MAP4K4: variants seen among roughly 807,000 people sequenced by gnomAD.
The protein encoded by MAP4K4 is mitogen-activated protein kinase kinase kinase kinase 4.
MAP4K4 carries 38 observed loss-of-function variants against 189.6 expected under a neutral mutation model. The observed-to-expected ratio is 0.20, with a 90% confidence interval of 0.15 to 0.26. MAP4K4 has a LOEUF of 0.26. MAP4K4 is among the 10% of genes least tolerant of loss of function. The pLI, the probability that MAP4K4 is intolerant of heterozygous loss-of-function variation, is 1.00. For synonymous variants in MAP4K4, 610 were observed against 624.3 expected, an observed-to-expected ratio of 0.98 and a Z score of 0.34; for missense variants, 1,054 against 1,726.9, an observed-to-expected ratio of 0.61 and a Z score of 6.91.
chr2:101,774,057 C>T (rs950767667), intron 2 of MAP4K4, among the ~76,000 whole-genome samples: 7 of 132,816 alleles, frequency 5.3e-5, no homozygotes, highest in African/African-American at 1.2e-4. Flanking sequence ...TACTGATTTC[C>T]TTTCTTGTGT....
At chr2:101,822,388 T>G (rs2096118682) in intron 3 of MAP4K4, among the ~76,000 whole-genome samples, 1 of 152,250 alleles carries the variant, frequency 6.6e-6, no homozygotes, top group African/African-American at 2.4e-5. Context: ...AGTGCATGAC[T>G]GTAGTATAAT....
chr2:101,790,848 A>G, intron 3 of MAP4K4, 72 bp downstream of exon 3: 1 of 1,279,924 alleles, frequency 7.8e-7, no homozygotes, highest in South Asian at 1.3e-5. Context: ...AACACAGAGT[A>G]TTACTCTGTT....
intron 2 of MAP4K4, among the ~76,000 whole-genome samples, chr2:101,708,633 A>G (rs1169678612): frequency 6.6e-6 from 1 of 152,106 alleles, no homozygotes; most frequent in East Asian, 1.9e-4. Context: ...TGTTTTCTGT[A>G]TTATGAAATT....
At chr2:101,704,152 G>T (rs899595079) in intron 2 of MAP4K4, among the ~76,000 whole-genome samples, 3 of 152,134 alleles carry the variant, frequency 2.0e-5, no homozygotes, top group African/African-American at 7.2e-5. Context: ...GGGGCAAAAT[G>T]AATTTTGTAG....
chr2:101,804,676 G>A (rs1356900249), intron 3 of MAP4K4, among the ~76,000 whole-genome samples: 2 of 152,064 alleles, frequency 1.3e-5, no homozygotes, highest in African/African-American at 2.4e-5. Flanking sequence ...GTGGCTGACA[G>A]GTCTTGGGAA....
rs186720462 is a variant in MAP4K4, at chr2:101,887,264, T to C, written c.3771+27T>C. 1.9e-6 allele frequency: 3 copies of C among 1,581,344 alleles called. No homozygotes were observed. The Admixed American group carries it at 5.7e-5, about 30-fold the overall frequency. On this transcript the variant is annotated intron_variant, in intron 30 of 32. Coordinates refer to ENST00000324219, the Ensembl canonical transcript of MAP4K4. ...TAAGAAAGAACCCACACTCTATGGT[T>C]GGTTGACTGGCTTCATTTTGTTTTG...
chr2:101,844,442 A>T, intron 12 of MAP4K4, 131 bp downstream of exon 12: 1 of 725,310 alleles, frequency 1.4e-6, no homozygotes, highest in Non-Finnish European at 2.3e-6. Context: ...AGCTGTTTAC[A>T]TAACTTGTGA....
At chr2:101,784,961 A>C (rs2089906655) in intron 2 of MAP4K4, among the ~76,000 whole-genome samples, 1 of 152,084 alleles carries the variant, frequency 6.6e-6, no homozygotes, top group Non-Finnish European at 1.5e-5. Context: ...GTAAACAACA[A>C]TGCATATAAA....
intron 2 of MAP4K4, among the ~76,000 whole-genome samples, chr2:101,783,988 A>C (rs1575485950): frequency 6.6e-6 from 1 of 152,214 alleles, no homozygotes; most frequent in African/African-American, 2.4e-5. Flanking sequence ...TGCTAACTCA[A>C]ACCTGTCCCC....
intron 12 of MAP4K4, among the ~76,000 whole-genome samples, chr2:101,851,978 G>C (rs574176541): frequency 2.6e-5 from 4 of 151,778 alleles, no homozygotes; most frequent in Non-Finnish European, 5.9e-5. Flanking sequence ...TTAGTTGTTT[G>C]TAGTCTTGTG....
chr2:101,794,542 G>C (rs936753525), intron 3 of MAP4K4, among the ~76,000 whole-genome samples: 9 of 152,102 alleles, frequency 5.9e-5, no homozygotes, highest in Admixed American at 1.3e-4. Flanking sequence ...CATTTTGTTT[G>C]TGTGTGTGTA....
At chr2:101,712,766 G>T (rs2046320155) in intron 2 of MAP4K4, among the ~76,000 whole-genome samples, 1 of 152,020 alleles carries the variant, frequency 6.6e-6, no homozygotes, top group Admixed American at 6.5e-5. Flanking sequence ...CACGTGCAGG[G>T]ATTACAGGTG....
chr2:101,750,979 A>T (rs948986307), intron 2 of MAP4K4, among the ~76,000 whole-genome samples: 4 of 151,944 alleles, frequency 2.6e-5, no homozygotes, highest in Non-Finnish European at 5.9e-5. Context: ...TTCTGTTTTG[A>T]ATTTGGGGAC....
rs370238217 is a variant in MAP4K4 at position 101,711,896 on chromosome 2, TTCTTG to T, written c.123+13363_123+13367del. ...TTAAATAGGATGCTTATTTATTTTT[TTCTTG>T]TCTTTATACTGTTTATTTTCTTGCT... On this transcript the variant is annotated intron_variant, in intron 2 of 32. Coordinates refer to ENST00000324219, the Ensembl canonical transcript of MAP4K4. 6.1e-4 allele frequency among the ~76,000 whole-genome samples: 93 copies of T among 151,972 alleles called. 2 individuals are homozygous for T. The South Asian group carries it at 0.019, about 31-fold the overall frequency.
At chr2:101,768,242 G>A (rs1240203460) in intron 2 of MAP4K4, among the ~76,000 whole-genome samples, 8 of 152,140 alleles carry the variant, frequency 5.3e-5, no homozygotes, top group Admixed American at 5.2e-4. Flanking sequence ...TGCCCCTTTC[G>A]GTAAAATTTT....
chr2:101,823,499 C>T (rs1375290430), intron 3 of MAP4K4, among the ~76,000 whole-genome samples: 1 of 152,162 alleles, frequency 6.6e-6, no homozygotes, highest in Non-Finnish European at 1.5e-5. Context: ...GTTTTCTGGA[C>T]TTAAATGGAC....
intron 2 of MAP4K4, among the ~76,000 whole-genome samples, chr2:101,761,457 G>T (rs1342477835): frequency 6.6e-6 from 1 of 152,036 alleles, no homozygotes; most frequent in Non-Finnish European, 1.5e-5. Context: ...CATCACACTA[G>T]GTCCTGGGGA....
chr2:101,887,403 C>A, intron 30 of MAP4K4, 166 bp downstream of exon 30: 3 of 679,806 alleles, frequency 4.4e-6, no homozygotes, highest in Non-Finnish European at 6.9e-6. Context: ...TGCTCTTAGA[C>A]AAGTGGAAAT....
intron 2 of MAP4K4, among the ~76,000 whole-genome samples, chr2:101,700,790 T>G (rs2149130846): frequency 6.6e-6 from 1 of 152,192 alleles, no homozygotes; most frequent in Admixed American, 6.5e-5. Flanking sequence ...TGTTTTTTTT[T>G]TTTTTTACTA....
Sources: allele counts gnomAD v4.1 joint callset (sites outside exome capture counted in the v4.1 genomes callset), GRCh38; gene constraint gnomAD v4.1.1; transcripts MANE v1.5; gene names NCBI Gene and HGNC (gene_info 2026-07-23, HGNC 2026-07-21).